Variants in DOCK9 observed in about 807,000 individuals in gnomAD.
The protein encoded by DOCK9 is dedicator of cytokinesis 9, also known as dedicator of cytokinesis protein 9.
In DOCK9, 89 loss-of-function variants were observed where a neutral mutation model predicts 263.3. That is an observed-to-expected ratio of 0.34 (90% CI 0.28 to 0.40). The LOEUF is 0.40. DOCK9 is among the 10% of genes least tolerant of loss of function. The probability of loss-of-function intolerance (pLI) is 1.00; values close to 1 mark genes in which losing one functional copy is unlikely to be tolerated. For synonymous variants in DOCK9, 976 were observed against 973.1 expected, an observed-to-expected ratio of 1.00 and a Z score of -0.06; for missense variants, 2,140 against 2,603.4, an observed-to-expected ratio of 0.82 and a Z score of 3.87.
chr13:99,010,228 C>T (rs1025875797), intron 1 of DOCK9, among the ~76,000 whole-genome samples: 29 of 152,200 alleles, frequency 1.9e-4, no homozygotes, highest in African/African-American at 6.8e-4. Context: ...AAAAACAGAA[C>T]ATGTTGAGAA....
intron 2 of DOCK9, among the ~76,000 whole-genome samples, chr13:98,935,773 A>G (rs540637661): frequency 6.6e-6 from 1 of 152,204 alleles, no homozygotes; most frequent in African/African-American, 2.4e-5. Context: ...GTCTCAAAAA[A>G]TAAATAAAAA....
chr13:98,845,362 T>A, intron 38 of DOCK9: 1 of 1,358,906 alleles, frequency 7.4e-7, no homozygotes, highest in Non-Finnish European at 9.8e-7. Context: ...ACACTTGATA[T>A]CTTTCTCACA....
At chr13:98,941,340 C>T (rs1189140936) in intron 2 of DOCK9, among the ~76,000 whole-genome samples, 1 of 152,158 alleles carries the variant, frequency 6.6e-6, no homozygotes, top group African/African-American at 2.4e-5. Context: ...AATGAGACAG[C>T]GTCTCAGCAA....
At chr13:98,799,231 T>C (rs2089815580) in intron 50 of DOCK9, among the ~76,000 whole-genome samples, 1 of 152,196 alleles carries the variant, frequency 6.6e-6, no homozygotes, top group Admixed American at 6.5e-5. Context: ...TGACAAAATA[T>C]AATTTCAGAA....
chr13:98,839,731 G>A (rs1302755227), intron 38 of DOCK9, among the ~76,000 whole-genome samples: 1 of 152,218 alleles, frequency 6.6e-6, no homozygotes, highest in Non-Finnish European at 1.5e-5. Flanking sequence ...CTGAAAGCCT[G>A]CAACAATTAA....
chr13:99,036,949 C>T (rs1887952796), intron 1 of DOCK9, among the ~76,000 whole-genome samples: 1 of 152,098 alleles, frequency 6.6e-6, no homozygotes. Context: ...TAGTGTGTGC[C>T]AAGCATAGTA....
chr13:98,822,444 T>A (rs150901775), intron 45 of DOCK9, among the ~76,000 whole-genome samples: 2 of 152,220 alleles, frequency 1.3e-5, no homozygotes, highest in African/African-American at 4.8e-5. Context: ...TCTTTAATTG[T>A]TCCTGGCATC....
In DOCK9 at chr13:98,804,956, G is replaced by A. The variant is rs773256888; in HGVS notation, c.5725+43C>T. On this transcript the variant is annotated intron_variant, in intron 49 of 52. Transcript: ENST00000682017. ...GAATCCCTCTGGACAGCTCTTTGGC[G>A]AGGTGTCCGGGCTCGTGTCCATGCG... is the stretch of plus-strand genomic sequence containing the variant. The A allele has an allele frequency of 1.9e-5, 29 of 1,552,096 alleles. No homozygotes were observed. In the South Asian group the frequency reaches 3.2e-4, roughly 17 times the overall value.
At chr13:99,031,664 T>C (rs920176920) in intron 1 of DOCK9, among the ~76,000 whole-genome samples, 4 of 152,146 alleles carry the variant, frequency 2.6e-5, no homozygotes, top group African/African-American at 9.7e-5. Context: ...GATGAAAATG[T>C]TCAGTAAGGG....
At chr13:98,837,009 C>G (rs1415676219) in intron 39 of DOCK9, among the ~76,000 whole-genome samples, 1 of 139,500 alleles carries the variant, frequency 7.2e-6, no homozygotes, top group East Asian at 2.0e-4. Context: ...AACTTAAAAA[C>G]AAGACAAAAA....
At chr13:98,912,563 C>T (rs1487827272) in intron 9 of DOCK9, among the ~76,000 whole-genome samples, 1 of 151,744 alleles carries the variant, frequency 6.6e-6, no homozygotes, top group Non-Finnish European at 1.5e-5. Context: ...ACAAAATATA[C>T]AATTATACTT....
intron 1 of DOCK9, among the ~76,000 whole-genome samples, chr13:98,977,394 T>TCAATAG (rs1488776374): frequency 6.6e-6 from 1 of 152,242 alleles, no homozygotes; most frequent in Admixed American, 6.5e-5. Flanking sequence ...CCTCATTTTC[T>TCAATAG]CAATAGCATA....
At chr13:98,804,575 C>T (rs888322757) in intron 49 of DOCK9, among the ~76,000 whole-genome samples, 6 of 139,680 alleles carry the variant, frequency 4.3e-5, no homozygotes, top group African/African-American at 1.3e-4. Flanking sequence ...TTACTCACAG[C>T]CTGAGACCGC....
In DOCK9 at chr13:98,870,164, G is replaced by A. The variant is rs376037806; in HGVS notation, c.2944-1787C>T. On this transcript the variant is annotated intron_variant, in intron 27 of 52. Coordinates refer to ENST00000682017, the MANE Select transcript of DOCK9 (RefSeq NM_001366683.2). ...CCTAGACATTTCTGACATGACAGCA[G>A]GCATTATATTATGCATTAAATGCCA... Among the ~76,000 whole-genome samples the A allele has an allele frequency of 1.9e-4, 29 of 152,242 alleles. No individual in the cohort carries two copies. In the South Asian group the frequency reaches 5.6e-3, roughly 29 times the overall value.
intron 1 of DOCK9, among the ~76,000 whole-genome samples, chr13:99,020,552 C>A (rs1159204042): frequency 6.6e-6 from 1 of 152,210 alleles, no homozygotes; most frequent in East Asian, 1.9e-4. Context: ...TGAGCTCCTG[C>A]AAAGCTTAAG....
At chr13:98,937,717 T>TGC (rs1405959051) in intron 2 of DOCK9, among the ~76,000 whole-genome samples, 2 of 148,356 alleles carry the variant, frequency 1.3e-5, no homozygotes, top group South Asian at 2.1e-4. Context: ...GTTTTGCTTT[T>TGC]TTTTTTTTTT....
intron 27 of DOCK9, among the ~76,000 whole-genome samples, chr13:98,871,382 T>C (rs1057202199): frequency 6.6e-6 from 1 of 152,240 alleles, no homozygotes; most frequent in African/African-American, 2.4e-5. Context: ...ATAATTTACA[T>C]ACCAACCCAT....
chr13:98,915,639 C>A, intron 7 of DOCK9, 136 bp from the exon 8 acceptor site: 2 of 724,968 alleles, frequency 2.8e-6, no homozygotes, highest in Non-Finnish European at 4.2e-6. Context: ...GCCCCCTCCT[C>A]ATGAAAGCCC....
At chr13:98,937,410 G>A (rs562740945) in intron 2 of DOCK9, among the ~76,000 whole-genome samples, 4 of 152,300 alleles carry the variant, frequency 2.6e-5, no homozygotes, top group Admixed American at 2.0e-4. Context: ...TAGGTAGATA[G>A]ATAGATAGAT....
Sources: allele counts gnomAD v4.1 joint callset (sites outside exome capture counted in the v4.1 genomes callset), GRCh38; gene constraint gnomAD v4.1.1; transcripts MANE v1.5; gene names NCBI Gene and HGNC (gene_info 2026-07-23, HGNC 2026-07-21).